ST3GAL5: variants seen among roughly 807,000 people sequenced by gnomAD.
ST3GAL5 encodes the protein lactosylceramide alpha-2,3-sialyltransferase.
ST3GAL5 carries 25 observed loss-of-function variants against 46.1 expected under a neutral mutation model. The ratio of observed to expected loss-of-function variants is 0.54; its 90% confidence interval spans 0.40 to 0.76. The LOEUF (loss-of-function observed/expected upper bound fraction) is 0.76. Ranked by LOEUF, ST3GAL5 falls within the 30% of genes least tolerant of loss-of-function variation. ST3GAL5 has a pLI of 0.00. For missense variants in ST3GAL5, 431 were observed against 521.2 expected (o/e 0.83, Z 1.69); for synonymous variants, 182 against 192.7 (o/e 0.94, Z 0.46).
intron 2 of ST3GAL5, among the ~76,000 whole-genome samples, chr2:85,863,073 T>C (rs1331172977): frequency 6.6e-6 from 1 of 152,202 alleles, no homozygotes; most frequent in Admixed American, 6.5e-5. Context: ...AATAAGGGCA[T>C]GAAGAGCAGT....
chr2:85,854,695 C>T (rs1157851343), intron 3 of ST3GAL5: 1 of 152,238 alleles, frequency 6.6e-6, no homozygotes, highest in East Asian at 1.9e-4. Context: ...ACTATCTCCC[C>T]TTCCCCCTGA....
chr2:85,873,264 G>C (rs1175766254), intron 1 of ST3GAL5, among the ~76,000 whole-genome samples: 1 of 152,182 alleles, frequency 6.6e-6, no homozygotes, highest in Non-Finnish European at 1.5e-5. Context: ...GCTCTGGGCT[G>C]AGACCATGGC....
chr2:85,841,581 C>T (rs1304159171), intron 6 of ST3GAL5, among the ~76,000 whole-genome samples: 3 of 152,200 alleles, frequency 2.0e-5, no homozygotes, highest in Non-Finnish European at 2.9e-5. Context: ...GCAATCCTCC[C>T]GTCTTGGCTT....
chr2:85,862,037 T>G (rs1005132376), intron 2 of ST3GAL5, among the ~76,000 whole-genome samples: 3 of 139,050 alleles, frequency 2.2e-5, no homozygotes, highest in Non-Finnish European at 5.0e-5. Context: ...AAGGGGCAGT[T>G]TTTTTTTCAA....
At chr2:85,871,652 C>T (rs963384120) in intron 1 of ST3GAL5, among the ~76,000 whole-genome samples, 3 of 152,150 alleles carry the variant, frequency 2.0e-5, no homozygotes, top group African/African-American at 7.2e-5. Flanking sequence ...TTGCTGTCTG[C>T]ATTTAACCTG....
At chr2:85,888,716 T>G in intron 1 of ST3GAL5, 108 bp downstream of exon 1, 1 of 880,828 alleles carries the variant, frequency 1.1e-6, no homozygotes, top group Non-Finnish European at 1.4e-6. Flanking sequence ...GCCCGCGGGG[T>G]TCGAGGCGGA....
intron 3 of ST3GAL5, chr2:85,853,064 C>A (rs768951958): frequency 7.7e-6 from 10 of 1,304,200 alleles, no homozygotes; most frequent in East Asian, 5.5e-5. Context: ...ATTAACTGCA[C>A]GCAATGCCAT....
Position 85,837,166 on chromosome 2 carries a change from T to C in ST3GAL5, c.*2978A>G, listed in dbSNP as rs746029846. The stretch of plus-strand genomic sequence containing the variant: ...CATATTTATTGCAGCGCTATTCACA[T>C]AGCCAAAACATGAAATCAACCTAAG... On this transcript the variant is annotated 3_prime_UTR_variant, in exon 7 of 7. Transcript: ENST00000638572. 2 of 152,198 alleles carry C rather than the reference T, an allele frequency of 1.3e-5. No individual in the cohort carries two copies. Among genetic ancestry groups the C allele is most frequent in the African/African-American group, 4.8e-5 (2 of 41,448 alleles). The allele number at this position is 152,198 out of a possible 1,614,324, so 9.4% of individuals were successfully genotyped here.
At chr2:85,888,746 C>A in intron 1 of ST3GAL5, 78 bp downstream of exon 1, 1 of 1,085,882 alleles carries the variant, frequency 9.2e-7, no homozygotes, top group Non-Finnish European at 1.1e-6. Context: ...CCCAGCCGGC[C>A]CGGGAAGAGA....
At chr2:85,879,940 T>G (rs1277849240) in intron 1 of ST3GAL5, among the ~76,000 whole-genome samples, 1 of 152,198 alleles carries the variant, frequency 6.6e-6, no homozygotes, top group Non-Finnish European at 1.5e-5. Flanking sequence ...TTCTTAAGGT[T>G]TTGGACTATA....
chr2:85,847,551 G>A, intron 4 of ST3GAL5: 2 of 1,146,570 alleles, frequency 1.7e-6, no homozygotes, highest in Non-Finnish European at 2.2e-6. Flanking sequence ...ACCAAGAGCA[G>A]TGCACTGAGT....
chr2:85,885,479 T>C (rs1687633563), intron 1 of ST3GAL5, among the ~76,000 whole-genome samples: 1 of 152,190 alleles, frequency 6.6e-6, no homozygotes. Context: ...CCCAGTCTCC[T>C]TAGAACTGTG....
At position 85,840,421 on chromosome 2, in the gene ST3GAL5, T is replaced by TA. The variant is rs748890415; in HGVS notation, c.1009-30dup. 1.5e-5 allele frequency: 24 copies of TA among 1,610,646 alleles called. No individual in the cohort carries two copies. In the Admixed American group the frequency reaches 2.5e-4, roughly 17 times the overall value. ...AGAAAGGGAAAAGAAGACCAAAAAG[T>TA]AAAAAAAAATTTTGGCACAAGTCAC... is the stretch of plus-strand genomic sequence containing the variant. On this transcript the variant is annotated intron_variant, in intron 6 of 6. Coordinates refer to ENST00000638572, the MANE Select transcript of ST3GAL5 (RefSeq NM_003896.4).
At chr2:85,845,005 T>C (rs1682609543) in intron 5 of ST3GAL5, 1 of 239,096 alleles carries the variant, frequency 4.2e-6, no homozygotes, top group Non-Finnish European at 8.3e-6. Context: ...CAATAGAAAA[T>C]CCAGAAGACC....
In ST3GAL5 at chr2:85,867,563, C is replaced by T. The variant is rs62147538; in HGVS notation, c.83-4078G>A. On this transcript the variant is annotated intron_variant, in intron 1 of 6. Coordinates refer to ENST00000638572, the MANE Select transcript of ST3GAL5 (RefSeq NM_003896.4). Reference sequence around the variant, plus strand: ...CCCCAAAGGCCAAGGAAGAGGCTGACGAATCCAGTTTCTCAGAAAGAAACG... The same window carrying T: ...CCCCAAAGGCCAAGGAAGAGGCTGATGAATCCAGTTTCTCAGAAAGAAACG... 0.21 allele frequency: 166,195 copies of T among 780,074 alleles called. 19,215 individuals are homozygous for T. The highest frequency in any genetic ancestry group is 0.32 in the South Asian group (23,838 of 74,558). 48.3% of individuals were successfully genotyped at this position (780,074 alleles called of 1,614,324 possible). A position where few individuals can be genotyped will look rare whatever the true frequency, so the allele number is the denominator to read the frequency against.
At position 85,855,587 on chromosome 2, in the gene ST3GAL5, T is replaced by C. The variant is rs535276468; in HGVS notation, c.318+5594A>G. 4.6e-5 allele frequency: 7 copies of C among 151,796 alleles called. No individual in the cohort carries two copies. In the South Asian group the frequency reaches 8.3e-4, roughly 18 times the overall value. The allele number at this position is 151,796 out of a possible 1,614,324, so 9.4% of individuals were successfully genotyped here. A position where few individuals can be genotyped will look rare whatever the true frequency, so the allele number is the denominator to read the frequency against. ...AAAGCATAAATGACCAAAGGAAAAA[T>C]AGGTAAATTGGGTTTCATCAGAATT... On this transcript the variant is annotated intron_variant, in intron 3 of 6. Transcript: ENST00000638572.
At chr2:85,846,740 C>CGAACA in intron 4 of ST3GAL5, 177 bp from the exon 5 acceptor site, 5 of 625,170 alleles carry the variant, frequency 8.0e-6, no homozygotes, top group Non-Finnish European at 1.4e-5. Flanking sequence ...AGGAATGCAG[C>CGAACA]CTTTAGTACT....
rs116631487 is a variant in ST3GAL5, at chr2:85,847,687, G to A, written c.662+174C>T. Reference sequence around the variant, plus strand: ...GTGTGTGCCTGGGGTCCCAGCTACTGGGGAGGCTGTGGTGGGAGGATCTCC... The same window carrying A: ...GTGTGTGCCTGGGGTCCCAGCTACTAGGGAGGCTGTGGTGGGAGGATCTCC... On this transcript the variant is annotated intron_variant, in intron 4 of 6. Transcript: ENST00000638572. The A allele has an allele frequency of 2.0e-4, 263 of 1,301,900 alleles. 2 individuals carry two copies. In the African/African-American group the frequency reaches 3.4e-3, roughly 17 times the overall value. The allele number at this position is 1,301,900 out of a possible 1,614,324, so 80.6% of individuals were successfully genotyped here.
intron 2 of ST3GAL5, among the ~76,000 whole-genome samples, chr2:85,862,375 T>C (rs747907024): frequency 6.6e-6 from 1 of 152,110 alleles, no homozygotes; most frequent in Non-Finnish European, 1.5e-5. Context: ...GATGAGAAGG[T>C]GTTTCACTGA....
Sources: gnomAD v4.1 joint callset for allele counts (sites outside exome capture counted in the v4.1 genomes callset) on GRCh38, gnomAD v4.1.1 for gene constraint, MANE v1.5 for transcripts, NCBI Gene and HGNC (gene_info 2026-07-23, HGNC 2026-07-21) for gene names.